VIPAS39: variants seen among roughly 807,000 people sequenced by gnomAD.
VIPAS39 encodes VPS33B interacting protein, apical-basolateral polarity regulator, spe-39 homolog.
VIPAS39 carries 63 observed loss-of-function variants against 84.7 expected under a neutral mutation model. The ratio of observed to expected loss-of-function variants is 0.74; its 90% CI spans 0.61 to 0.92. The LOEUF (loss-of-function observed/expected upper bound fraction) is 0.92. Among genes scored for constraint, VIPAS39 ranks in the 40% least tolerant of loss-of-function variants. VIPAS39 has a pLI of 0.00. For synonymous variants in VIPAS39, 192 were observed against 216.5 expected, an observed-to-expected ratio of 0.89 and a Z score of 0.99; for missense variants, 499 against 604.5, an observed-to-expected ratio of 0.83 and a Z score of 1.83.
chr14:77,437,190 CTA>C (rs1214638651), intron 12 of VIPAS39, among the ~76,000 whole-genome samples: 1 of 152,168 alleles, frequency 6.6e-6, no homozygotes, highest in East Asian at 1.9e-4. Flanking sequence ...TGGGTAGACT[CTA>C]CACCTGTCTT....
intron 1 of VIPAS39, among the ~76,000 whole-genome samples, chr14:77,456,363 T>A (rs1459378417): frequency 6.6e-6 from 1 of 152,148 alleles, no homozygotes; most frequent in Non-Finnish European, 1.5e-5. Context: ...TTAAAAAAAA[T>A]ACAAAAATTC....
intron 7 of VIPAS39, among the ~76,000 whole-genome samples, chr14:77,446,956 C>T (rs1401627256): frequency 6.7e-6 from 1 of 149,542 alleles, no homozygotes; most frequent in African/African-American, 2.4e-5. Flanking sequence ...TGACTAAAAA[C>T]ATATCCTGCT....
Position 77,427,116 on chromosome 14 carries a change from G to T in VIPAS39, c.*500C>A. Reference sequence around the variant, plus strand: ...TGTGGCATAATGTGGAGGGGTCTGTGCAGTCTGGTGTGAGTGCATCTCCAG... The same window carrying T: ...TGTGGCATAATGTGGAGGGGTCTGTTCAGTCTGGTGTGAGTGCATCTCCAG... On this transcript the variant is annotated 3_prime_UTR_variant, in exon 20 of 20. Transcript: ENST00000557658. 5.5e-6 allele frequency: 1 copy of T among 180,432 alleles called. No individual in the cohort carries two copies. The highest frequency in any genetic ancestry group is 1.2e-5 in the Non-Finnish European group (1 of 84,580). 11.2% of individuals were successfully genotyped at this position (180,432 alleles called of 1,614,324 possible). A position where few individuals can be genotyped will look rare whatever the true frequency, so the allele number is the denominator to read the frequency against.
chr14:77,429,721 C>A lies in VIPAS39; in HGVS notation c.1226G>T (p.Arg409Leu), dbSNP rs200598365. The A allele has an allele frequency of 1.2e-6, 2 of 1,614,040 alleles. No homozygotes were observed. Among genetic ancestry groups the A allele is most frequent in the African/African-American group, 2.7e-5 (2 of 74,906 alleles). The change falls in exon 17 of 20, where the codon CGG (arginine) becomes CTG (leucine). Residue 409 changes from arginine (R) to leucine (L), a missense_variant. By Grantham distance (102) the Arg-to-Leu change is moderately radical. Transcript: ENST00000557658. The stretch of plus-strand genomic sequence containing the variant: ...GTTCTTGTGCAAAATTTCGACAACC[C>A]GATGGAAGCCAATGGGTGCTCTCTT... ...TKKRAPIGFH[R>L]VVEILHKNNA...
chr14:77,445,336 A>G (rs2139840258), intron 7 of VIPAS39, among the ~76,000 whole-genome samples: 1 of 152,310 alleles, frequency 6.6e-6, no homozygotes, highest in Admixed American at 6.5e-5. Context: ...TTGGTCATTC[A>G]TGTATCTTCT....
intron 8 of VIPAS39, among the ~76,000 whole-genome samples, chr14:77,444,041 C>CAAAAAAA (rs35983631): frequency 2.3e-5 from 3 of 127,850 alleles, no homozygotes; most frequent in Admixed American, 8.1e-5. Flanking sequence ...ACCCTGTCTC[C>CAAAAAAA]AAAAAAAAAA....
intron 10 of VIPAS39, among the ~76,000 whole-genome samples, chr14:77,441,345 C>T (rs2078700298): frequency 6.7e-6 from 1 of 150,356 alleles, no homozygotes; most frequent in Non-Finnish European, 1.5e-5. Context: ...GAGCCACCTA[C>T]TCTAGCCCAC....
At chr14:77,449,149 C>T in intron 6 of VIPAS39, 144 bp downstream of exon 6, 1 of 897,208 alleles carries the variant, frequency 1.1e-6, no homozygotes, top group South Asian at 1.4e-5. Flanking sequence ...GGTAAGCCCT[C>T]ATGTTTAGAA....
intron 17 of VIPAS39, 106 bp from the exon 18 acceptor site, chr14:77,429,201 A>G: frequency 1.0e-6 from 1 of 953,016 alleles, no homozygotes; most frequent in Non-Finnish European, 1.6e-6. Flanking sequence ...TTCAATAGCT[A>G]ATGTTTCCAG....
intron 16 of VIPAS39, among the ~76,000 whole-genome samples, chr14:77,431,308 G>T (rs1286197924): frequency 6.6e-6 from 1 of 152,072 alleles, no homozygotes; most frequent in Non-Finnish European, 1.5e-5. Context: ...AACATATAAA[G>T]AACTCACACA....
chr14:77,431,425 TGATCAGTATC>T (rs1184783658), intron 16 of VIPAS39, among the ~76,000 whole-genome samples: 3 of 152,204 alleles, frequency 2.0e-5, no homozygotes, highest in African/African-American at 7.2e-5. Context: ...CATGAAAAGG[TGATCAGTATC>T]ACTAAACATC....
intron 17 of VIPAS39, 67 bp from the exon 18 acceptor site, chr14:77,429,162 A>T: frequency 6.8e-7 from 1 of 1,464,222 alleles, no homozygotes; most frequent in Non-Finnish European, 9.5e-7. Context: ...TACAAGGTAG[A>T]AAAGAAAGTC....
intron 16 of VIPAS39, among the ~76,000 whole-genome samples, chr14:77,433,357 C>T (rs2078553986): frequency 2.0e-5 from 3 of 152,126 alleles, no homozygotes; most frequent in African/African-American, 7.2e-5. Flanking sequence ...CACACCACCA[C>T]ACCCAGCTAA....
chr14:77,427,722 T>G lies in VIPAS39; in HGVS notation c.1462-86A>C. On this transcript the variant is annotated intron_variant, in intron 19 of 19. Transcript: ENST00000557658. ...CAGAGAAAATGCAACAAAACAAGGCTCAGCTAGATAATGTAAGGAAAAGAA... is the reference window on the plus strand; with the variant it reads ...CAGAGAAAATGCAACAAAACAAGGCGCAGCTAGATAATGTAAGGAAAAGAA... 4 of 1,548,862 alleles carry G rather than the reference T, an allele frequency of 2.6e-6. No homozygotes were observed. In the South Asian group the frequency reaches 3.3e-5, roughly 13 times the overall value.
At chr14:77,446,660 G>C (rs1300762208) in intron 7 of VIPAS39, among the ~76,000 whole-genome samples, 1 of 152,100 alleles carries the variant, frequency 6.6e-6, no homozygotes, top group African/African-American at 2.4e-5. Context: ...GAACAACATT[G>C]AAGGTTGAAA....
Position 77,457,504 on chromosome 14 carries a change from A to G in VIPAS39, c.-10T>C. The G allele has an allele frequency of 2.8e-6, 3 of 1,054,284 alleles. No homozygotes were observed. Among genetic ancestry groups the G allele is most frequent in the South Asian group, 1.4e-5 (1 of 69,126 alleles). The allele number at this position is 1,054,284 out of a possible 1,614,324, so 65.3% of individuals were successfully genotyped here. ...CTTGGGACACCCTCACCTCTTCCGC[A>G]CAGAGCCCTCCCTCTCAGGACAGCG... On this transcript the variant is annotated 5_prime_UTR_variant, in exon 1 of 20. Transcript: ENST00000557658.
At chr14:77,427,692 C>T in intron 19 of VIPAS39, 56 bp from the exon 20 acceptor site, 2 of 1,609,502 alleles carry the variant, frequency 1.2e-6, no homozygotes, top group Non-Finnish European at 1.7e-6. Context: ...ATCCCTACAG[C>T]AAGGCAGAGA....
chr14:77,445,019 C>T (rs1322667789), intron 7 of VIPAS39, among the ~76,000 whole-genome samples: 2 of 150,848 alleles, frequency 1.3e-5, no homozygotes, highest in Admixed American at 6.6e-5. Context: ...AGTGCAGTGG[C>T]GCAATCTTGG....
At chr14:77,452,068 T>C (rs947678607) in intron 3 of VIPAS39, among the ~76,000 whole-genome samples, 3 of 152,078 alleles carry the variant, frequency 2.0e-5, no homozygotes, top group Non-Finnish European at 2.9e-5. Flanking sequence ...AAATCTAAAA[T>C]TCAACAGTGG....
Sources: gnomAD v4.1 joint callset for allele counts (sites outside exome capture counted in the v4.1 genomes callset) on GRCh38, gnomAD v4.1.1 for gene constraint, MANE v1.5 for transcripts, NCBI Gene and HGNC (gene_info 2026-07-23, HGNC 2026-07-21) for gene names.